Variants in ANK2 observed in about 807,000 individuals in gnomAD.
The protein encoded by ANK2 is ankyrin-2.
A neutral mutation model predicts 360.5 loss-of-function variants in ANK2; 83 were observed. That is an observed-to-expected ratio of 0.23 (90% CI 0.19 to 0.28). ANK2 has a LOEUF of 0.28. Ranked by LOEUF, ANK2 falls within the 10% of genes least tolerant of loss-of-function variation. The pLI, the probability that ANK2 is intolerant of heterozygous loss-of-function variation, is 1.00. For synonymous variants in ANK2, 1,740 were observed against 1,759.5 expected (o/e 0.99, Z 0.28); for missense variants, 4,201 against 4,795.7 (o/e 0.88, Z 3.66).
chr4:113,100,487 A>G (rs313952), intron 1 of ANK2, among the ~76,000 whole-genome samples: 124,546 of 152,112 alleles, frequency 0.82, 51,572 homozygotes, highest in African/African-American at 0.95. Flanking sequence ...GAATGCTGGC[A>G]AAGAGGTGGA....
chr4:112,810,232 C>T, the ANK2 span, among the ~76,000 whole-genome samples: 1 of 143,706 alleles, frequency 7.0e-6, no homozygotes, highest in African/African-American at 2.6e-5. Flanking sequence ...GAACTCCTGA[C>T]CTCAGGTGAT....
Position 112,863,203 on chromosome 4 carries a change from ATTTAAT to A in ANK2, c.-39-41246_-39-41241del, listed in dbSNP as rs201860824. Among the ~76,000 whole-genome samples the A allele has an allele frequency of 8.1e-3, 1,231 of 152,262 alleles. 5 individuals carry two copies. Among genetic ancestry groups the A allele is most frequent in the Non-Finnish European group, 0.01 (695 of 68,016 alleles). The stretch of plus-strand genomic sequence containing the variant: ...TCAGTGTGACTATAGTCAGTGTGAT[ATTTAAT>A]TTTAAGTTATAGTCGGTGTGATTAT... On this transcript the variant is annotated intron_variant, in intron 1 of 30. Transcript: ENST00000503271.
At chr4:112,894,359 T>A (rs2081100639) in intron 1 of ANK2, among the ~76,000 whole-genome samples, 1 of 152,160 alleles carries the variant, frequency 6.6e-6, no homozygotes, top group Admixed American at 6.5e-5. Context: ...GAGATTAAAA[T>A]TATTGATTGA....
chr4:113,347,396 T>C (rs1287140436), intron 35 of ANK2, among the ~76,000 whole-genome samples: 2 of 152,104 alleles, frequency 1.3e-5, no homozygotes, highest in Non-Finnish European at 2.9e-5. Flanking sequence ...TAGTAGTGAG[T>C]CAGTGGAGGC....
At chr4:113,072,492 G>C (rs2077960467) in intron 1 of ANK2, among the ~76,000 whole-genome samples, 1 of 152,180 alleles carries the variant, frequency 6.6e-6, no homozygotes, top group Non-Finnish European at 1.5e-5. Flanking sequence ...TGCCGGACTG[G>C]TCTTTGTGAT....
chr4:113,240,424 CA>C lies in ANK2; in HGVS notation c.694-59del, dbSNP rs1307802035. ...TACCATGTGACCTTCTTCACTAATA[CA>C]ATGGCTGCAACATAGAAAAGTGAAG... On this transcript the variant is annotated intron_variant, in intron 7 of 45. Transcript: ENST00000357077. 12 of 1,282,402 alleles carry C rather than the reference CA, an allele frequency of 9.4e-6. No individual in the cohort carries two copies. The East Asian group carries it at 2.5e-4, about 27-fold the overall frequency. 79.4% of individuals were successfully genotyped at this position (1,282,402 alleles called of 1,614,324 possible).
intron 4 of ANK2, among the ~76,000 whole-genome samples, chr4:113,228,525 T>C (rs1321372721): frequency 6.6e-6 from 1 of 152,230 alleles, no homozygotes; most frequent in Non-Finnish European, 1.5e-5. Flanking sequence ...TTGTTCCTTT[T>C]TATGGCTGGG....
chr4:113,265,013 G>C lies in ANK2; in HGVS notation c.1485+18G>C, dbSNP rs2055148147. ...GAGCCAGGGTAGGTACTGGTGCCCTGAGGTTCTCTTCTATCGCAGCGCATG... is the reference window on the plus strand; with the variant it reads ...GAGCCAGGGTAGGTACTGGTGCCCTCAGGTTCTCTTCTATCGCAGCGCATG... On this transcript the variant is annotated intron_variant, in intron 14 of 45. Coordinates refer to ENST00000357077, the MANE Select transcript of ANK2 (RefSeq NM_001148.6). 9 of 1,552,796 alleles carry C rather than the reference G, an allele frequency of 5.8e-6. No homozygotes were observed. The highest frequency in any genetic ancestry group is 5.2e-6 in the Non-Finnish European group (6 of 1,146,968).
At chr4:113,075,339 T>C (rs2079473399) in intron 1 of ANK2, among the ~76,000 whole-genome samples, 1 of 152,262 alleles carries the variant, frequency 6.6e-6, no homozygotes. Flanking sequence ...AATGTACTTA[T>C]GTGTGATTAA....
chr4:113,122,121 T>A (rs1437937235), intron 1 of ANK2, among the ~76,000 whole-genome samples: 1 of 152,070 alleles, frequency 6.6e-6, no homozygotes, highest in African/African-American at 2.4e-5. Context: ...GAGTTGAAAG[T>A]GTGTTATAAG....
intron 2 of ANK2, among the ~76,000 whole-genome samples, chr4:112,987,251 C>T (rs905543734): frequency 6.6e-6 from 1 of 152,146 alleles, no homozygotes; most frequent in African/African-American, 2.4e-5. Context: ...TCCTCTACCC[C>T]AGAGCTTCCT....
chr4:113,242,851 A>G (rs1476312025), intron 9 of ANK2, among the ~76,000 whole-genome samples: 1 of 152,204 alleles, frequency 6.6e-6, no homozygotes, highest in Non-Finnish European at 1.5e-5. Flanking sequence ...AAAGTGCAGA[A>G]TAAAGGCAAA....
chr4:113,340,195 C>A (rs937094500), intron 32 of ANK2, among the ~76,000 whole-genome samples: 6 of 152,022 alleles, frequency 3.9e-5, no homozygotes, highest in African/African-American at 1.5e-4. Context: ...AGATATAGAC[C>A]AGAGGGACTA....
intron 1 of ANK2, among the ~76,000 whole-genome samples, chr4:112,846,275 G>T (rs1436953438): frequency 6.6e-6 from 1 of 151,852 alleles, no homozygotes; most frequent in Non-Finnish European, 1.5e-5. Flanking sequence ...ACCTAGCTAA[G>T]TACTTTTTGT....
intron 42 of ANK2, 47 bp downstream of exon 42, chr4:113,367,898 G>A (rs371685336): frequency 2.4e-5 from 39 of 1,608,244 alleles, no homozygotes; most frequent in Non-Finnish European, 3.1e-5. Context: ...AAAGAAACAG[G>A]CTATTGTGGA....
At position 113,194,292 on chromosome 4, in the gene ANK2, A is replaced by G. The variant is rs1562790942; in HGVS notation, c.187-2076A>G. The stretch of plus-strand genomic sequence containing the variant: ...CATATCTTCTTGAATCTGTTCCTCA[A>G]CTTTTCCAAATGGACTCCTCTGTGG... On this transcript the variant is annotated intron_variant, in intron 2 of 45. Transcript: ENST00000357077. Among the ~76,000 whole-genome samples, 3 of 152,164 alleles carry G rather than the reference A, an allele frequency of 2.0e-5. No homozygotes were observed. In the South Asian group the frequency reaches 6.2e-4, roughly 31 times the overall value.
chr4:112,717,778 C>CT, the ANK2 span, among the ~76,000 whole-genome samples: 9 of 8,232 alleles, frequency 1.1e-3, no homozygotes, highest in Admixed American at 4.7e-3. Flanking sequence ...TGAATATTTA[C>CT]TTTAAAAAAA....
chr4:113,356,680 C>T lies in ANK2; in HGVS notation c.8062C>T (p.Arg2688Ter), dbSNP rs765199439. Reference protein sequence around the residue: ...DSGLLPEPVIRVQPPSPLPSS... With the variant: ...DSGLLPEPVI ...AGGCCTTTTACCAGAACCAGTGATT[C>T]GAGTACAACCTCCTTCTCCACTTCC... Residue 2688 changes from arginine to a stop codon, truncating the protein, a stop_gained, in exon 38 of 46, where the codon CGA (arginine) becomes TGA (stop). Coordinates refer to ENST00000357077, the MANE Select transcript of ANK2 (RefSeq NM_001148.6). LOFTEE classifies it high-confidence loss of function. 3 of 1,614,072 alleles carry T rather than the reference C, an allele frequency of 1.9e-6. No individual in the cohort carries two copies. The highest frequency in any genetic ancestry group is 2.2e-5 in the South Asian group (2 of 91,074).
At chr4:112,751,560 G>A in the ANK2 span, among the ~76,000 whole-genome samples, 1 of 152,010 alleles carries the variant, frequency 6.6e-6, no homozygotes, top group African/African-American at 2.4e-5. Flanking sequence ...GTGTGGAGGA[G>A]CTGTGGATTG....
Sources: gnomAD v4.1 joint callset for allele counts (sites outside exome capture counted in the v4.1 genomes callset) on GRCh38, gnomAD v4.1.1 for gene constraint, MANE v1.5 for transcripts, NCBI Gene and HGNC (gene_info 2026-07-23, HGNC 2026-07-21) for gene names.